The following AGMO variants were observed in gnomAD, a reference collection of about 807,000 sequenced individuals.
The protein encoded by AGMO is glyceryl-ether monooxygenase.
Under a neutral mutation model 60.2 loss-of-function variants are expected in AGMO, and 75 were observed. The ratio of observed to expected loss-of-function variants is 1.25; its 90% CI spans 1.03 to 1.51. The LOEUF (loss-of-function observed/expected upper bound fraction) is 1.51. Among genes scored for constraint, AGMO ranks in the 40% most tolerant of loss-of-function variants. AGMO has a pLI of 0.00. For missense variants in AGMO, 763 were observed against 525.5 expected (o/e 1.45, Z -4.42); for synonymous variants, 261 against 177.1 (o/e 1.47, Z -3.76).
chr7:15,190,071 T>C, the AGMO span, among the ~76,000 whole-genome samples: 1 of 107,804 alleles, frequency 9.3e-6, no homozygotes. Context: ...GATTTTTAAG[T>C]GCCATATATA....
At chr7:15,476,710 T>G (rs1050369246) in intron 3 of AGMO, among the ~76,000 whole-genome samples, 4 of 152,130 alleles carry the variant, frequency 2.6e-5, no homozygotes, top group Non-Finnish European at 4.4e-5. Flanking sequence ...CGTTAGATTA[T>G]GTCGGCTGGA....
At chr7:15,369,885 A>T (rs142909983) in intron 10 of AGMO, among the ~76,000 whole-genome samples, 187 of 152,270 alleles carry the variant, frequency 1.2e-3, no homozygotes, top group African/African-American at 4.5e-3. Flanking sequence ...ATTTTGGGAA[A>T]ACTGAATCTA....
chr7:15,184,278 AAAGG>A, the AGMO span, among the ~76,000 whole-genome samples: 730 of 116,766 alleles, frequency 6.3e-3, 20 homozygotes, highest in African/African-American at 0.018. Context: ...GGAGGAAAGA[AAAGG>A]AAGGAAGGAA....
intron 12 of AGMO, among the ~76,000 whole-genome samples, chr7:15,267,113 G>A (rs1583344484): frequency 6.6e-6 from 1 of 151,988 alleles, no homozygotes. Flanking sequence ...TTTAGTGATA[G>A]GTTGCTTCTC....
chr7:15,555,650 T>A (rs1264618581), intron 2 of AGMO, among the ~76,000 whole-genome samples: 1 of 151,892 alleles, frequency 6.6e-6, no homozygotes, highest in East Asian at 1.9e-4. Flanking sequence ...ATAAACACAA[T>A]GTGATAGATT....
At chr7:15,241,231 C>T (rs184689582) in intron 12 of AGMO, among the ~76,000 whole-genome samples, 129 of 151,732 alleles carry the variant, frequency 8.5e-4, no homozygotes, top group Admixed American at 2.5e-3. Flanking sequence ...GAGGCCGAGG[C>T]GGGCGGATCA....
chr7:15,430,633 A>ATT (rs1562503181), intron 4 of AGMO, among the ~76,000 whole-genome samples: 16 of 109,870 alleles, frequency 1.5e-4, no homozygotes, highest in African/African-American at 4.8e-4. Context: ...TTTTTTTTAA[A>ATT]AAAAAAAAAA....
chr7:15,331,595 T>C (rs540233715), intron 12 of AGMO, among the ~76,000 whole-genome samples: 3 of 152,252 alleles, frequency 2.0e-5, no homozygotes, highest in African/African-American at 4.8e-5. Context: ...TTCTCCTTTT[T>C]GGCTGAGATA....
chr7:15,553,334 T>A (rs1200195180), intron 2 of AGMO, among the ~76,000 whole-genome samples: 1 of 150,356 alleles, frequency 6.7e-6, no homozygotes, highest in African/African-American at 2.4e-5. Flanking sequence ...AAAAAATAAA[T>A]AAATAAATAA....
chr7:15,377,593 T>C (rs1281575712), intron 10 of AGMO, among the ~76,000 whole-genome samples: 1 of 152,048 alleles, frequency 6.6e-6, no homozygotes, highest in Non-Finnish European at 1.5e-5. Flanking sequence ...TGAATCAGTA[T>C]AATTTATTTA....
intron 12 of AGMO, among the ~76,000 whole-genome samples, chr7:15,338,849 A>T (rs1337413645): frequency 6.6e-6 from 1 of 152,116 alleles, no homozygotes; most frequent in Non-Finnish European, 1.5e-5. Flanking sequence ...CAAAATAAAA[A>T]CTACCCAGTG....
chr7:15,234,823 C>T (rs1782369926), intron 12 of AGMO, among the ~76,000 whole-genome samples: 1 of 152,142 alleles, frequency 6.6e-6, no homozygotes, highest in Non-Finnish European at 1.5e-5. Context: ...CTTCTTTTGA[C>T]TTTTATTCTA....
intron 12 of AGMO, among the ~76,000 whole-genome samples, chr7:15,305,270 C>T (rs1583386095): frequency 6.7e-6 from 1 of 149,850 alleles, no homozygotes; most frequent in South Asian, 2.1e-4. Context: ...TTTGATAGGA[C>T]AGGAAGTGAA....
intron 12 of AGMO, among the ~76,000 whole-genome samples, chr7:15,297,367 G>A (rs1465646317): frequency 6.6e-6 from 1 of 152,074 alleles, no homozygotes; most frequent in Admixed American, 6.6e-5. Flanking sequence ...GTAGTTATTG[G>A]CATTATGGAA....
At chr7:15,304,571 T>G (rs760604316) in intron 12 of AGMO, among the ~76,000 whole-genome samples, 1 of 152,154 alleles carries the variant, frequency 6.6e-6, no homozygotes, top group Non-Finnish European at 1.5e-5. Flanking sequence ...GTTTGTCAAG[T>G]TATTTGTAAT....
chr7:15,285,425 C>T (rs1053673485), intron 12 of AGMO, among the ~76,000 whole-genome samples: 2 of 152,036 alleles, frequency 1.3e-5, no homozygotes, highest in Middle Eastern at 3.4e-3. Flanking sequence ...TTCTATATAC[C>T]AACAATGATC....
chr7:15,463,238 T>C (rs560577858), intron 3 of AGMO, among the ~76,000 whole-genome samples: 1 of 152,182 alleles, frequency 6.6e-6, no homozygotes, highest in African/African-American at 2.4e-5. Context: ...TGTTCTTGCT[T>C]GTCATAAGTA....
At chr7:15,432,326 A>C (rs866094232) in intron 3 of AGMO, among the ~76,000 whole-genome samples, 16 of 136,442 alleles carry the variant, frequency 1.2e-4, no homozygotes, top group African/African-American at 4.3e-4. Context: ...GTGTGTATAT[A>C]TGTATATATA....
intron 5 of AGMO, among the ~76,000 whole-genome samples, chr7:15,414,665 CT>C (rs1780707505): frequency 6.6e-6 from 1 of 152,016 alleles, no homozygotes; most frequent in Non-Finnish European, 1.5e-5. Flanking sequence ...ACAAAACTGT[CT>C]TTATTCAAAG....
Sources: allele counts gnomAD v4.1 joint callset (sites outside exome capture counted in the v4.1 genomes callset), GRCh38; gene constraint gnomAD v4.1.1; transcripts MANE v1.5; gene names NCBI Gene and HGNC (gene_info 2026-07-23, HGNC 2026-07-21).